Variants in TSPAN16 observed in about 807,000 individuals in gnomAD.
TSPAN16 encodes the protein tetraspanin 16, also known as tetraspanin-16.
A neutral mutation model predicts 25.2 loss-of-function variants in TSPAN16; 23 were observed. That is an observed-to-expected ratio of 0.91 (90% CI 0.66 to 1.29). The LOEUF is 1.29. Ranked by LOEUF, TSPAN16 falls within the 50% of genes most tolerant of loss-of-function variation. TSPAN16 has a pLI of 0.00. For synonymous variants in TSPAN16, 123 were observed against 124.4 expected, an observed-to-expected ratio of 0.99 and a Z score of 0.08; for missense variants, 272 against 299.9, an observed-to-expected ratio of 0.91 and a Z score of 0.69.
intron 5 of TSPAN16, among the ~76,000 whole-genome samples, chr19:11,311,370 G>A (rs976401866): frequency 5.3e-5 from 7 of 131,954 alleles, no homozygotes; most frequent in Admixed American, 2.4e-4. Flanking sequence ...TCCTGACCTC[G>A]TTATCCACCT....
chr19:11,316,730 C>T (rs570214344), downstream of TSPAN16, among the ~76,000 whole-genome samples: 6 of 151,042 alleles, frequency 4.0e-5, no homozygotes, highest in South Asian at 1.3e-3. Context: ...GATCCCAGCA[C>T]TTTGGGAGAC....
At chr19:11,310,120 T>C (rs887718655) in intron 5 of TSPAN16, among the ~76,000 whole-genome samples, 4 of 151,282 alleles carry the variant, frequency 2.6e-5, no homozygotes, top group Non-Finnish European at 5.9e-5. Context: ...AAAAAAACTA[T>C]TATGTGAAAG....
At chr19:11,300,273 G>A (rs2080529851) in intron 3 of TSPAN16, among the ~76,000 whole-genome samples, 1 of 152,180 alleles carries the variant, frequency 6.6e-6, no homozygotes, top group South Asian at 2.1e-4. Flanking sequence ...GGCAAATGAG[G>A]CAGGTAAGGG....
chr19:11,296,515 G>T (rs1400366179), intron 1 of TSPAN16, 149 bp downstream of exon 1: 3 of 760,884 alleles, frequency 3.9e-6, no homozygotes, highest in Non-Finnish European at 6.5e-6. Flanking sequence ...GACGGAGGAG[G>T]AGGAGCAGGG....
intron 4 of TSPAN16, among the ~76,000 whole-genome samples, chr19:11,306,139 G>A (rs916950623): frequency 2.6e-5 from 4 of 152,084 alleles, no homozygotes; most frequent in Admixed American, 1.3e-4. Flanking sequence ...GTGGGGGCGT[G>A]TGCCTGAAAT....
At chr19:11,324,983 A>T in intron 6 of TSPAN16, 1 of 157,680 alleles carries the variant, frequency 6.3e-6, no homozygotes, top group Non-Finnish European at 1.4e-5. Flanking sequence ...AGGAAGATGA[A>T]CCATCTTCCA....
downstream of TSPAN16, chr19:11,315,975 C>T (rs2080745428): frequency 3.3e-6 from 4 of 1,226,062 alleles, no homozygotes; most frequent in Non-Finnish European, 4.1e-6. Flanking sequence ...CCCTGTCCAG[C>T]CTGACTTCTT....
Position 11,296,200 on chromosome 19 carries a change from G to A in TSPAN16, c.-98G>A. ...AGAGGGGCAGAGCAAGTCAGCATTGGCGCCCCTTCCTCAGATCCCTATCAT... is the reference window on the plus strand; with the variant it reads ...AGAGGGGCAGAGCAAGTCAGCATTGACGCCCCTTCCTCAGATCCCTATCAT... On this transcript the variant is annotated 5_prime_UTR_variant, in exon 1 of 7. Transcript: ENST00000590327. 7.7e-7 allele frequency: 1 copy of A among 1,302,892 alleles called. No homozygotes were observed. Among genetic ancestry groups the A allele is most frequent in the Non-Finnish European group, 1.1e-6 (1 of 916,306 alleles). 80.7% of individuals were successfully genotyped at this position (1,302,892 alleles called of 1,614,324 possible).
At position 11,301,885 on chromosome 19, in the gene TSPAN16, G is replaced by A. The variant is rs146062843; in HGVS notation, c.450+577G>A. ...GTTGCCTAGGCTGGAGTGCAGTGGC[G>A]CAATCTCAGCTCACTGCAACCTCCA... On this transcript the variant is annotated intron_variant, in intron 4 of 6. Transcript: ENST00000590327. Among the ~76,000 whole-genome samples, 1,336 of 150,930 alleles carry A rather than the reference G, an allele frequency of 8.9e-3. 27 individuals carry two copies. Among genetic ancestry groups the A allele is most frequent in the African/African-American group, 0.03 (1,251 of 41,034 alleles).
chr19:11,306,613 T>C lies in TSPAN16; in HGVS notation c.460T>C (p.Cys154Arg), dbSNP rs1370558788. 1.2e-6 allele frequency: 2 copies of C among 1,613,600 alleles called. No individual in the cohort carries two copies. The highest frequency in any genetic ancestry group is 1.7e-5 in the Admixed American group (1 of 59,964). ...WNLVMEKLKCCGVNNYTDFSG... is the reference protein window; with the variant it reads ...WNLVMEKLKCRGVNNYTDFSG... ...CTTCTCCTCTCTATAGCTAAAGTGC[T>C]GTGGGGTGAATAACTACACAGATTT... The change falls in exon 5 of 7, where the codon TGT (cysteine) becomes CGT (arginine). Residue 154 changes from cysteine to arginine, a missense_variant. Cys to Arg is a radical substitution (Grantham distance 180). Coordinates refer to ENST00000590327, the MANE Select transcript of TSPAN16 (RefSeq NM_001282509.2).
At chr19:11,296,391 C>T in intron 1 of TSPAN16, 25 bp downstream of exon 1, 1 of 1,612,730 alleles carries the variant, frequency 6.2e-7, no homozygotes, top group East Asian at 2.2e-5. Flanking sequence ...ATCCAGGCCC[C>T]TGGTTTGTTG....
intron 4 of TSPAN16, among the ~76,000 whole-genome samples, chr19:11,304,753 T>C (rs2080607235): frequency 6.6e-6 from 1 of 152,014 alleles, no homozygotes; most frequent in Non-Finnish European, 1.5e-5. Context: ...CTTGATCTCC[T>C]GACCTCGTGA....
chr19:11,324,464 T>A (rs2080799385), intron 6 of TSPAN16: 1 of 152,462 alleles, frequency 6.6e-6, no homozygotes, highest in African/African-American at 2.4e-5. Flanking sequence ...GCAGGATGCA[T>A]GATTGGGCAA....
At chr19:11,326,873 G>C (rs762649435) in exon 7 of TSPAN16, 1 of 609,628 alleles carries the variant, frequency 1.6e-6, no homozygotes, top group African/African-American at 1.9e-5. Flanking sequence ...GCCTCCCAAA[G>C]TGCTGGGTTT....
intron 1 of TSPAN16, among the ~76,000 whole-genome samples, chr19:11,297,941 A>G (rs1021858214): frequency 2.1e-5 from 3 of 146,004 alleles, no homozygotes; most frequent in Admixed American, 1.4e-4. Flanking sequence ...ACAGGCACGC[A>G]CTACTACTGG....
downstream of TSPAN16, among the ~76,000 whole-genome samples, chr19:11,319,066 A>G (rs1242520964): frequency 6.6e-6 from 1 of 152,206 alleles, no homozygotes; most frequent in Non-Finnish European, 1.5e-5. Flanking sequence ...TCTGACACCA[A>G]TTACCCAGAG....
intron 6 of TSPAN16, chr19:11,325,442 C>A: frequency 6.2e-7 from 1 of 1,608,230 alleles, no homozygotes; most frequent in Non-Finnish European, 8.5e-7. Flanking sequence ...GCATCCCCCA[C>A]GGCCGGGCCT....
intron 6 of TSPAN16, chr19:11,322,128 A>C (rs2147962837): frequency 6.6e-6 from 1 of 152,320 alleles, no homozygotes; most frequent in Non-Finnish European, 1.5e-5. Context: ...CAAACTGGAC[A>C]TCAAGGAATT....
At chr19:11,298,119 C>T (rs1201533033) in intron 1 of TSPAN16, 23 bp from the exon 2 acceptor site, 9 of 1,612,468 alleles carry the variant, frequency 5.6e-6, no homozygotes, top group Non-Finnish European at 7.6e-6. Flanking sequence ...TACTTTTCTT[C>T]CTTTCTGGTT....
Sources: gnomAD v4.1 joint callset for allele counts (sites outside exome capture counted in the v4.1 genomes callset) on GRCh38, gnomAD v4.1.1 for gene constraint, MANE v1.5 for transcripts, NCBI Gene and HGNC (gene_info 2026-07-23, HGNC 2026-07-21) for gene names.